NLGN1: variants seen among roughly 807,000 people sequenced by gnomAD.
NLGN1 encodes neuroligin 1, also known as neuroligin-1.
A neutral mutation model predicts 65.5 loss-of-function variants in NLGN1; 12 were observed. The observed-to-expected ratio is 0.18, with a 90% CI of 0.12 to 0.30. The LOEUF (loss-of-function observed/expected upper bound fraction) is 0.30. Among genes scored for constraint, NLGN1 ranks in the 10% least tolerant of loss-of-function variants. NLGN1 has a pLI of 1.00. For missense variants in NLGN1, 750 were observed against 1,007.1 expected (o/e 0.74, Z 3.46); for synonymous variants, 350 against 359.5 (o/e 0.97, Z 0.30).
At chr3:173,530,472 G>A (rs1736382681) in intron 2 of NLGN1, among the ~76,000 whole-genome samples, 1 of 152,202 alleles carries the variant, frequency 6.6e-6, no homozygotes, top group South Asian at 2.1e-4. Context: ...TTGGAAAGTA[G>A]TAGATATCAC....
intron 3 of NLGN1, among the ~76,000 whole-genome samples, chr3:173,754,983 A>T (rs374005120): frequency 2.3e-4 from 35 of 152,240 alleles, no homozygotes; most frequent in African/African-American, 7.9e-4. Flanking sequence ...AGGACTTGAA[A>T]TCTGTTTCTG....
At chr3:173,398,823 T>A (rs1717107959) in intron 1 of NLGN1, among the ~76,000 whole-genome samples, 1 of 152,182 alleles carries the variant, frequency 6.6e-6, no homozygotes, top group Non-Finnish European at 1.5e-5. Flanking sequence ...GTAGACTATT[T>A]TTGCTTAAGT....
intron 4 of NLGN1, among the ~76,000 whole-genome samples, chr3:173,953,783 A>C (rs904351060): frequency 1.3e-5 from 2 of 152,214 alleles, no homozygotes; most frequent in South Asian, 4.1e-4. Context: ...GACTCAAGCT[A>C]TCCTCCCACC....
intron 4 of NLGN1, among the ~76,000 whole-genome samples, chr3:174,216,143 C>CTT (rs1737558912): frequency 6.6e-6 from 1 of 152,128 alleles, no homozygotes; most frequent in Admixed American, 6.5e-5. Flanking sequence ...AAATTGTGCG[C>CTT]TTTACAAATT....
intron 3 of NLGN1, among the ~76,000 whole-genome samples, chr3:173,728,532 A>T (rs1194636018): frequency 6.6e-6 from 1 of 152,028 alleles, no homozygotes; most frequent in Non-Finnish European, 1.5e-5. Flanking sequence ...CCAACAATTC[A>T]TGTCAACCCC....
intron 2 of NLGN1, among the ~76,000 whole-genome samples, chr3:173,517,416 A>G (rs752702433): frequency 4.6e-5 from 7 of 152,060 alleles, no homozygotes; most frequent in Non-Finnish European, 1.0e-4. Context: ...TGTCTTCTGA[A>G]TCTCAGTACT....
intron 4 of NLGN1, among the ~76,000 whole-genome samples, chr3:173,940,739 A>G (rs1299154860): frequency 6.6e-6 from 1 of 152,036 alleles, no homozygotes; most frequent in African/African-American, 2.4e-5. Context: ...TTGCCTTACA[A>G]TTTCTCCCCC....
chr3:174,149,085 T>C (rs1466839342), intron 4 of NLGN1, among the ~76,000 whole-genome samples: 4 of 152,182 alleles, frequency 2.6e-5, no homozygotes. Flanking sequence ...AAGTTCTTAG[T>C]GGGTAGAAAA....
intron 2 of NLGN1, among the ~76,000 whole-genome samples, chr3:173,437,345 G>C (rs541588359): frequency 6.6e-6 from 1 of 152,304 alleles, no homozygotes; most frequent in East Asian, 1.9e-4. Context: ...GTCATCTACT[G>C]TAAAGACCTG....
Position 174,081,318 on chromosome 3 carries a change from T to C in NLGN1, c.647-193997T>C, listed in dbSNP as rs564603826. ...GCTGCTATAACAAAATACTATAAACTGAGTGGCTTATAAACAACAGAAATT... is the reference window on the plus strand; with the variant it reads ...GCTGCTATAACAAAATACTATAAACCGAGTGGCTTATAAACAACAGAAATT... On this transcript the variant is annotated intron_variant, in intron 4 of 6. Coordinates refer to ENST00000457714, the Ensembl canonical transcript of NLGN1. Among the ~76,000 whole-genome samples the C allele has an allele frequency of 3.9e-5, 6 of 152,268 alleles. 1 individual carries two copies. The South Asian group carries it at 1.2e-3, about 32-fold the overall frequency.
chr3:173,674,375 A>G (rs1398626125), intron 3 of NLGN1, among the ~76,000 whole-genome samples: 1 of 139,194 alleles, frequency 7.2e-6, no homozygotes. Context: ...CATTCATGTC[A>G]TTATCCCAAC....
chr3:173,523,191 C>G (rs1735053534), intron 2 of NLGN1, among the ~76,000 whole-genome samples: 1 of 151,302 alleles, frequency 6.6e-6, no homozygotes, highest in African/African-American at 2.4e-5. Flanking sequence ...AATATTTTCC[C>G]TCACTCTGCA....
intron 3 of NLGN1, among the ~76,000 whole-genome samples, chr3:173,795,507 T>C (rs1713844716): frequency 6.6e-6 from 1 of 152,132 alleles, no homozygotes; most frequent in African/African-American, 2.4e-5. Flanking sequence ...CTTTTACTGA[T>C]TTCTGTATTC....
At chr3:173,615,743 G>GTTT (rs5854521) in intron 3 of NLGN1, among the ~76,000 whole-genome samples, 200 of 141,528 alleles carry the variant, frequency 1.4e-3, no homozygotes, top group African/African-American at 3.0e-3. Context: ...CCATCCATCT[G>GTTT]TTTTTTTTTT....
chr3:173,665,266 A>G (rs1225744547), intron 3 of NLGN1, among the ~76,000 whole-genome samples: 1 of 152,068 alleles, frequency 6.6e-6, no homozygotes, highest in Non-Finnish European at 1.5e-5. Context: ...TGTTGGTTTT[A>G]TAGGGGACTT....
At chr3:173,725,553 C>G (rs1262833427) in intron 3 of NLGN1, among the ~76,000 whole-genome samples, 1 of 152,176 alleles carries the variant, frequency 6.6e-6, no homozygotes, top group Admixed American at 6.5e-5. Context: ...TTATCAACTT[C>G]ATAGTTAGAG....
chr3:173,745,111 G>A (rs1775176445), intron 3 of NLGN1, among the ~76,000 whole-genome samples: 1 of 152,096 alleles, frequency 6.6e-6, no homozygotes, highest in Non-Finnish European at 1.5e-5. Context: ...CACAATGGCA[G>A]TTGTTTTCAT....
chr3:174,107,007 C>CAGAGAG (rs1308441949), intron 4 of NLGN1, among the ~76,000 whole-genome samples: 3 of 120,580 alleles, frequency 2.5e-5, no homozygotes, highest in Admixed American at 1.6e-4. Flanking sequence ...CACACACACA[C>CAGAGAG]ACACACACAC....
intron 1 of NLGN1, among the ~76,000 whole-genome samples, chr3:173,432,667 C>A (rs528988820): frequency 1.6e-4 from 24 of 152,078 alleles, no homozygotes; most frequent in Middle Eastern, 3.4e-3. Flanking sequence ...TTCATCTAGT[C>A]TGTGGCTTGT....
Sources: allele counts gnomAD v4.1 joint callset (sites outside exome capture counted in the v4.1 genomes callset), GRCh38; gene constraint gnomAD v4.1.1; transcripts MANE v1.5; gene names NCBI Gene and HGNC (gene_info 2026-07-23, HGNC 2026-07-21).